Variants in CDC42BPG observed in about 807,000 individuals in gnomAD.
CDC42BPG encodes CDC42 binding protein kinase gamma.
In CDC42BPG, 157 loss-of-function variants were observed where a neutral mutation model predicts 192.2. The ratio of observed to expected loss-of-function variants is 0.82; its 90% CI spans 0.72 to 0.93. CDC42BPG has a LOEUF of 0.93. Among genes scored for constraint, CDC42BPG ranks in the 40% least tolerant of loss-of-function variants. The pLI, the probability that CDC42BPG is intolerant of heterozygous loss-of-function variation, is 0.00. For synonymous variants in CDC42BPG, 981 were observed against 918.5 expected, an observed-to-expected ratio of 1.07 and a Z score of -1.23; for missense variants, 1,992 against 2,122.1, an observed-to-expected ratio of 0.94 and a Z score of 1.20.
chr11:64,840,143 C>T lies in CDC42BPG; in HGVS notation c.558G>A (p.Leu186=), dbSNP rs1436814906. 3 of 1,612,764 alleles carry T rather than the reference C, an allele frequency of 1.9e-6. 1 individual carries two copies. In the South Asian group the frequency reaches 3.3e-5, roughly 18 times the overall value. ...LAEMVLAIHS[L]HQLGYVHRDV... ...ACCTGTGGACATAACCCAGCTGGTG[C>T]AGCGAGTGGATGGCCAGCACCATCT... The change falls in exon 5 of 37, where the codon CTG becomes CTA. Residue 186 remains leucine, a synonymous_variant. Coordinates refer to ENST00000342711, the MANE Select transcript of CDC42BPG (RefSeq NM_017525.3).
chr11:64,831,149 C>T (rs684821), intron 28 of CDC42BPG, among the ~76,000 whole-genome samples: 29,650 of 151,292 alleles, frequency 0.2, 3,720 homozygotes, highest in East Asian at 0.43. Context: ...ATCTGGGAGG[C>T]GGAGGTTGCA....
chr11:64,835,393 C>G lies in CDC42BPG; in HGVS notation c.1907G>C (p.Cys636Ser). ...CCTCCGGTTTTCCTCCTGCAGCTGG[C>G]ACAGAGCCTCCTCCTTACCACTCGG... Reference protein sequence around the residue: ...HRPSGKEEALCQLQEENRRLS... With the variant: ...HRPSGKEEALSQLQEENRRLS... Residue 636 changes from cysteine (C) to serine (S), a missense_variant, in exon 16 of 37, where the codon TGC becomes TCC. Transcript: ENST00000342711. 6.2e-7 allele frequency: 1 copy of G among 1,613,884 alleles called. No individual in the cohort carries two copies. The highest frequency in any genetic ancestry group is 8.5e-7 in the Non-Finnish European group (1 of 1,180,016).
chr11:64,833,504 G>C, intron 23 of CDC42BPG, 96 bp downstream of exon 23: 1 of 1,240,284 alleles, frequency 8.1e-7, no homozygotes, highest in South Asian at 1.5e-5. Context: ...AATTGTGCCT[G>C]CTAGCCACGA....
At chr11:64,840,519 G>A (rs1943232381) in intron 4 of CDC42BPG, 34 bp downstream of exon 4, 1 of 1,601,246 alleles carries the variant, frequency 6.2e-7, no homozygotes, top group South Asian at 1.1e-5. Context: ...GTGTCCCTAG[G>A]ATGTTCCCCT....
chr11:64,835,845 C>G lies in CDC42BPG; in HGVS notation c.1675G>C (p.Ala559Pro). The G allele has an allele frequency of 6.2e-7, 1 of 1,610,738 alleles. No individual in the cohort carries two copies. The highest frequency in any genetic ancestry group is 8.5e-7 in the Non-Finnish European group (1 of 1,179,232). Residue 559 changes from alanine (A) to proline (P), a missense_variant, in exon 14 of 37, where the codon GCC becomes CCC. Coordinates refer to ENST00000342711, the MANE Select transcript of CDC42BPG (RefSeq NM_017525.3). ...TGCCGGCTCAGGGAGGACACCTGGGCCTCCAGCTGTGAGGGGTGCAGAGGC... is the reference window on the plus strand; with the variant it reads ...TGCCGGCTCAGGGAGGACACCTGGGGCTCCAGCTGTGAGGGGTGCAGAGGC... ...EARAAQRELE[A>P]QVSSLSRQVT...
chr11:64,834,398 C>T, intron 19 of CDC42BPG, 31 bp downstream of exon 19: 2 of 1,560,152 alleles, frequency 1.3e-6, no homozygotes, highest in South Asian at 1.2e-5. Flanking sequence ...CTGTGCGGGC[C>T]CTGGCCCCCA....
intron 8 of CDC42BPG, 81 bp from the exon 9 acceptor site, chr11:64,838,243 G>A: frequency 9.0e-7 from 1 of 1,112,314 alleles, no homozygotes; most frequent in African/African-American, 1.6e-5. Flanking sequence ...CTGGGACCAG[G>A]TGCGACCACC....
intron 32 of CDC42BPG, 42 bp downstream of exon 32, chr11:64,827,485 G>A (rs1308495083): frequency 2.6e-5 from 42 of 1,604,392 alleles, no homozygotes; most frequent in Non-Finnish European, 3.5e-5. Flanking sequence ...CCACACGTGC[G>A]CACTGGGGAA....
At position 64,844,553 on chromosome 11, in the gene CDC42BPG, C is replaced by T; in HGVS notation, c.17G>A (p.Arg6His). MERRL[R>H]ALEQLARGEA... ...GCCCCGCGCCAGCTGCTCCAGCGCG[C>T]GCAGCCGCCGCTCCATGGCTGCGGC... Residue 6 changes from arginine (R) to histidine (H), a missense_variant, in exon 1 of 37, where the codon CGC becomes CAC. By Grantham distance (29) the Arg-to-His change is conservative (BLOSUM62 0). Around this residue, in one of 2 missense-constraint regions of CDC42BPG, gnomAD observed 1,656 missense variants for 1,844.3 expected, o/e 0.90. Transcript: ENST00000342711. 11 of 1,284,034 alleles carry T rather than the reference C, an allele frequency of 8.6e-6. No homozygotes were observed. The highest frequency in any genetic ancestry group is 9.8e-6 in the Non-Finnish European group (10 of 1,016,272). The allele number at this position is 1,284,034 out of a possible 1,614,324, so 79.5% of individuals were successfully genotyped here.
chr11:64,839,578 G>T lies in CDC42BPG; in HGVS notation c.582-7C>A, dbSNP rs750753581. On this transcript the variant is annotated splice_region_variant and splice_polypyrimidine_tract_variant and intron_variant, in intron 5 of 36. Coordinates refer to ENST00000342711, the MANE Select transcript of CDC42BPG (RefSeq NM_017525.3). ...GTTGTCTGGCTTGACATCCCTGGGGGATGGCAGGCAGGGAGAGTGAGGCGT... is the reference window on the plus strand; with the variant it reads ...GTTGTCTGGCTTGACATCCCTGGGGTATGGCAGGCAGGGAGAGTGAGGCGT... 2 of 1,609,978 alleles carry T rather than the reference G, an allele frequency of 1.2e-6. No homozygotes were observed. Among genetic ancestry groups the T allele is most frequent in the South Asian group, 2.2e-5 (2 of 90,726 alleles).
Position 64,838,801 on chromosome 11 carries a change from A to C in CDC42BPG, c.978T>G (p.Gly326=), listed in dbSNP as rs1002228111. 6.0e-5 allele frequency: 97 copies of C among 1,612,192 alleles called. No homozygotes were observed. Among genetic ancestry groups the C allele is most frequent in the Non-Finnish European group, 8.2e-5 (97 of 1,179,968 alleles). The change falls in exon 8 of 37, where the codon GGT becomes GGG. Residue 326 remains glycine, a synonymous_variant. Coordinates refer to ENST00000342711, the MANE Select transcript of CDC42BPG (RefSeq NM_017525.3). ...LCRQEERLGR[G]GLDDFRNHPF... ...GATGGTTCCGGAAGTCATCCAGCCC[A>C]CCACGGCCTAGCCGCTCTTCCTGGC...
intron 27 of CDC42BPG, 27 bp from the exon 28 acceptor site, chr11:64,831,748 G>GC (rs1437024214): frequency 2.6e-6 from 4 of 1,552,086 alleles, no homozygotes; most frequent in Non-Finnish European, 3.5e-6. Flanking sequence ...CAGCTGGAGG[G>GC]CCGTGGACCA....
At chr11:64,833,025 G>T in intron 24 of CDC42BPG, 66 bp from the exon 25 acceptor site, 1 of 1,475,662 alleles carries the variant, frequency 6.8e-7, no homozygotes, top group Non-Finnish European at 9.0e-7. Context: ...ACCAGGACGG[G>T]GGCATGTCCA....
In CDC42BPG at chr11:64,836,199, G is replaced by C. The variant is rs1204047161; in HGVS notation, c.1586C>G (p.Ala529Gly). The C allele has an allele frequency of 1.3e-6, 2 of 1,596,698 alleles. No individual in the cohort carries two copies. Among genetic ancestry groups the C allele is most frequent in the Non-Finnish European group, 1.7e-6 (2 of 1,173,770 alleles). The change falls in exon 13 of 37, where the codon GCC becomes GGC. Residue 529 changes from alanine to glycine, a missense_variant. Ala to Gly is a moderately conservative substitution (Grantham distance 60). This residue lies in a region of CDC42BPG where 1,656 missense variants were observed against 1,844.3 expected (regional missense o/e 0.90). Coordinates refer to ENST00000342711, the MANE Select transcript of CDC42BPG (RefSeq NM_017525.3). ...AGCTGTGGCCGCCTCTCTCTCCTGG[G>C]CCTCCTGTAGCCTCTGAAGCAGCTC... Reference protein sequence around the residue: ...QEELLQRLQEAQEREAATASQ... With the variant: ...QEELLQRLQEGQEREAATASQ...
At position 64,832,690 on chromosome 11, in the gene CDC42BPG, C is replaced by T. The variant is rs764652440; in HGVS notation, c.2919G>A (p.Leu973=). 4.3e-6 allele frequency: 7 copies of T among 1,613,262 alleles called. No homozygotes were observed. Among genetic ancestry groups the T allele is most frequent in the African/African-American group, 2.7e-5 (2 of 74,914 alleles). ...CAAACAGCAGCAGGCGTGAGTCACT[C>T]AGGGCAGCAAACACGCGCTGCCAGC... The part of the protein sequence containing the change: ...RRGWQRVFAA[L]SDSRLLLFDA... Residue 973 remains leucine, a synonymous_variant, in exon 26 of 37, where the codon CTG becomes CTA. Transcript: ENST00000342711.
chr11:64,839,984 A>C lies in CDC42BPG; in HGVS notation c.581+136T>G, dbSNP rs575191021. ...AGGGCTCTTTGGTATGATTCCAAGG[A>C]AGCACACGGATGAGGCACCCAGAGA... On this transcript the variant is annotated intron_variant, in intron 5 of 36. Transcript: ENST00000342711. 1.2e-4 allele frequency: 104 copies of C among 864,696 alleles called. No homozygotes were observed. The African/African-American group carries it at 1.6e-3, about 14-fold the overall frequency. The allele number at this position is 864,696 out of a possible 1,614,324, so 53.6% of individuals were successfully genotyped here. A position where few individuals can be genotyped will look rare whatever the true frequency, so the allele number is the denominator to read the frequency against.
chr11:64,835,243 G>A (rs911311389), intron 16 of CDC42BPG, 90 bp from the exon 17 acceptor site: 38 of 1,605,220 alleles, frequency 2.4e-5, no homozygotes, highest in South Asian at 7.7e-5. Flanking sequence ...CCCGAGCCCC[G>A]TCCATGTCCA....
chr11:64,838,919 G>A lies in CDC42BPG; in HGVS notation c.877-17C>T. On this transcript the variant is annotated splice_polypyrimidine_tract_variant and intron_variant, in intron 7 of 36. Coordinates refer to ENST00000342711, the MANE Select transcript of CDC42BPG (RefSeq NM_017525.3). ...CAGGTGGTCCTGTGGGTCGGGGGAGGGGGCAGGCTGGGTCAAGTGTCCAGG... is the reference window on the plus strand; with the variant it reads ...CAGGTGGTCCTGTGGGTCGGGGGAGAGGGCAGGCTGGGTCAAGTGTCCAGG... 1 of 1,461,328 alleles carries A rather than the reference G, an allele frequency of 6.8e-7. No individual in the cohort carries two copies. The highest frequency in any genetic ancestry group is 9.6e-7 in the Non-Finnish European group (1 of 1,047,034). The allele number at this position is 1,461,328 out of a possible 1,614,324, so 90.5% of individuals were successfully genotyped here. A position where few individuals can be genotyped will look rare whatever the true frequency, so the allele number is the denominator to read the frequency against.
At chr11:64,826,975 C>CT in intron 34 of CDC42BPG, 75 bp downstream of exon 34, 1 of 1,228,882 alleles carries the variant, frequency 8.1e-7, no homozygotes, top group Non-Finnish European at 1.2e-6. Flanking sequence ...CCGTGATTGG[C>CT]TAGAGCTCAC....
Sources: allele counts gnomAD v4.1 joint callset (sites outside exome capture counted in the v4.1 genomes callset), GRCh38; gene constraint gnomAD v4.1.1; regional missense constraint gnomAD v4.1.1; transcripts MANE v1.5; gene names NCBI Gene and HGNC (gene_info 2026-07-23, HGNC 2026-07-21).